Variants in TIAM2 observed in about 807,000 individuals in gnomAD.
TIAM2 encodes the protein TIAM Rac1 associated GEF 2.
TIAM2 carries 80 observed loss-of-function variants against 152.9 expected under a neutral mutation model. The observed-to-expected ratio is 0.52, with a 90% CI of 0.44 to 0.63. The LOEUF is 0.63. Among genes scored for constraint, TIAM2 ranks in the 30% least tolerant of loss-of-function variants. TIAM2 has a pLI of 0.00. For missense variants in TIAM2, 1,965 were observed against 2,120.1 expected, an observed-to-expected ratio of 0.93 and a Z score of 1.44; for synonymous variants, 804 against 838.0, an observed-to-expected ratio of 0.96 and a Z score of 0.70.
chr6:155,168,833 C>T, intron 9 of TIAM2: 1 of 1,532,808 alleles, frequency 6.5e-7, no homozygotes, highest in Non-Finnish European at 8.7e-7. Flanking sequence ...TTTTTCCTCC[C>T]CCATCTGTCA....
At position 155,256,877 on chromosome 6, in the gene TIAM2, G is replaced by C. The variant is rs1393079089; in HGVS notation, c.4862G>C (p.Gly1621Ala). ...CCGGAGTCGGGTGAGGGTCAGAAAGGAGGAGAGCAGCCCAAACTGGTCCGG... is the reference window on the plus strand; with the variant it reads ...CCGGAGTCGGGTGAGGGTCAGAAAGCAGGAGAGCAGCCCAAACTGGTCCGG... ...PGPESGEGQKGGEQPKLVRGH... is the reference protein window; with the variant it reads ...PGPESGEGQKAGEQPKLVRGH... The change falls in exon 27 of 27, where the codon GGA (glycine) becomes GCA (alanine). Residue 1621 changes from glycine to alanine, a missense_variant. Physicochemically the swap from Gly to Ala is moderately conservative, Grantham distance 60. This residue lies in a region of TIAM2 where 935 missense variants were observed against 980.0 expected (regional missense o/e 0.95). Coordinates refer to ENST00000682666, the MANE Select transcript of TIAM2 (RefSeq NM_012454.4). The C allele has an allele frequency of 3.7e-6, 6 of 1,614,064 alleles. No individual in the cohort carries two copies. Among genetic ancestry groups the C allele is most frequent in the Non-Finnish European group, 5.1e-6 (6 of 1,180,056 alleles).
At chr6:155,228,734 C>T (rs1782331892) in intron 15 of TIAM2, among the ~76,000 whole-genome samples, 1 of 152,052 alleles carries the variant, frequency 6.6e-6, no homozygotes, top group African/African-American at 2.4e-5. Flanking sequence ...TGAATTCCGA[C>T]CAAACTCCTG....
intron 1 of TIAM2, among the ~76,000 whole-genome samples, chr6:155,033,600 G>T (rs1776863045): frequency 6.6e-6 from 1 of 151,886 alleles, no homozygotes. Context: ...AAAAAAGTTT[G>T]CCCCAGAAAT....
chr6:155,155,672 G>A (rs1448755937), intron 7 of TIAM2, among the ~76,000 whole-genome samples: 1 of 151,936 alleles, frequency 6.6e-6, no homozygotes, highest in Non-Finnish European at 1.5e-5. Flanking sequence ...ACGGGGTTTT[G>A]CCATGTTGGC....
chr6:155,022,846 G>T (rs1776525163), intron 1 of TIAM2, among the ~76,000 whole-genome samples: 1 of 152,196 alleles, frequency 6.6e-6, no homozygotes, highest in African/African-American at 2.4e-5. Context: ...TAGGGAAGAG[G>T]GCTAACGATG....
chr6:155,029,597 A>G (rs1393897693), intron 1 of TIAM2, among the ~76,000 whole-genome samples: 1 of 100,878 alleles, frequency 9.9e-6, no homozygotes, highest in Non-Finnish European at 1.9e-5. Flanking sequence ...TATAGTATAT[A>G]TAGTTATATA....
At chr6:155,062,324 T>C (rs1777601047) in intron 1 of TIAM2, among the ~76,000 whole-genome samples, 1 of 152,168 alleles carries the variant, frequency 6.6e-6, no homozygotes, top group African/African-American at 2.4e-5. Flanking sequence ...TGCACAAGTA[T>C]AATCTTTTTA....
At chr6:155,094,891 A>G (rs920921741) in intron 2 of TIAM2, among the ~76,000 whole-genome samples, 2 of 151,678 alleles carry the variant, frequency 1.3e-5, no homozygotes, top group African/African-American at 2.4e-5. Flanking sequence ...CTTCGCTCAT[A>G]TATTTAAATA....
At chr6:155,101,052 C>T (rs1473531390) in intron 2 of TIAM2, among the ~76,000 whole-genome samples, 2 of 152,150 alleles carry the variant, frequency 1.3e-5, no homozygotes, top group Non-Finnish European at 2.9e-5. Context: ...TAAACCTTCA[C>T]ACCACCCCTG....
Position 155,173,671 on chromosome 6 carries a change from G to A in TIAM2, c.2362-3145G>A, listed in dbSNP as rs574453425. On this transcript the variant is annotated intron_variant, in intron 9 of 26. Transcript: ENST00000682666. ...TTTGGGTGTGTCCTGGGTGTGGGAC[G>A]CACTGTGTTAATGGCTGAGGGAGAA... Among the ~76,000 whole-genome samples, 5 of 152,296 alleles carry A rather than the reference G, an allele frequency of 3.3e-5. No individual in the cohort carries two copies. In the East Asian group the frequency reaches 5.8e-4, roughly 18 times the overall value.
intron 6 of TIAM2, among the ~76,000 whole-genome samples, chr6:155,146,957 G>A (rs1171822519): frequency 6.6e-6 from 1 of 151,952 alleles, no homozygotes; most frequent in Non-Finnish European, 1.5e-5. Flanking sequence ...GACTTACTGT[G>A]TTCCCCAGGC....
rs568794694 is a variant in TIAM2 at position 155,232,486 on chromosome 6, A to G, written c.3169-8044A>G. ...TGGGGCTTGACTTTCCTTAAGGATA[A>G]CTGACCGTTTGTCCCAGGCCTAAAT... On this transcript the variant is annotated intron_variant, in intron 15 of 26. Coordinates refer to ENST00000682666, the MANE Select transcript of TIAM2 (RefSeq NM_012454.4). The G allele has an allele frequency of 2.0e-5, 3 of 152,372 alleles. No individual in the cohort carries two copies. In the East Asian group the frequency reaches 5.8e-4, roughly 29 times the overall value. 9.4% of individuals were successfully genotyped at this position (152,372 alleles called of 1,614,324 possible).
Position 155,182,369 on chromosome 6 carries a change from A to G in TIAM2, c.2800+51A>G, listed in dbSNP as rs776877750. The G allele has an allele frequency of 4.2e-6, 6 of 1,439,886 alleles. No individual in the cohort carries two copies. The South Asian group carries it at 5.7e-5, about 14-fold the overall frequency. The allele number at this position is 1,439,886 out of a possible 1,614,324, so 89.2% of individuals were successfully genotyped here. A position where few individuals can be genotyped will look rare whatever the true frequency, so the allele number is the denominator to read the frequency against. Reference sequence around the variant, plus strand: ...TTGCCTCTTAATTTGAAACTGTGGGATACAGTCTGGCTAGTGAATGTTTCT... The same window carrying G: ...TTGCCTCTTAATTTGAAACTGTGGGGTACAGTCTGGCTAGTGAATGTTTCT... On this transcript the variant is annotated intron_variant, in intron 13 of 26. Transcript: ENST00000682666.
chr6:155,072,889 A>G (rs1055526394), intron 1 of TIAM2, among the ~76,000 whole-genome samples: 5 of 152,156 alleles, frequency 3.3e-5, no homozygotes, highest in African/African-American at 1.2e-4. Flanking sequence ...CAGAGGACGG[A>G]GCCTCAAGAA....
intron 14 of TIAM2, among the ~76,000 whole-genome samples, chr6:155,210,494 T>C (rs1006043890): frequency 6.7e-6 from 1 of 148,678 alleles, no homozygotes; most frequent in Non-Finnish European, 1.5e-5. Context: ...GTGTGTGTGT[T>C]TTTTTTTTTC....
intron 5 of TIAM2, among the ~76,000 whole-genome samples, chr6:155,144,172 A>G (rs764052659): frequency 2.4e-4 from 36 of 152,116 alleles, no homozygotes; most frequent in Admixed American, 5.2e-4. Flanking sequence ...ACCACAGACT[A>G]TTTCTGTGAT....
rs867335126 is a variant in TIAM2 at position 155,074,596 on chromosome 6, C to A, written c.-208-15693C>A. Among the ~76,000 whole-genome samples the A allele has an allele frequency of 2.5e-4, 38 of 152,158 alleles. 1 individual carries two copies. The highest frequency in any genetic ancestry group is 6.3e-3 in the Middle Eastern group (2 of 316). ...CTCCTGACCTCACGTGATCCGCCTG[C>A]CTTGGCCTCCCAAAGTGCTGGGATT... On this transcript the variant is annotated intron_variant, in intron 1 of 26. Transcript: ENST00000682666.
chr6:155,118,042 C>T (rs1333390013), intron 2 of TIAM2, among the ~76,000 whole-genome samples: 1 of 152,234 alleles, frequency 6.6e-6, no homozygotes, highest in Non-Finnish European at 1.5e-5. Flanking sequence ...CTACTGTGGA[C>T]TCCTTTCCCA....
intron 8 of TIAM2, 35 bp downstream of exon 8, chr6:155,164,635 C>T (rs1433432615): frequency 3.2e-6 from 5 of 1,582,242 alleles, no homozygotes; most frequent in African/African-American, 1.3e-5. Context: ...CTGCAGCATT[C>T]GGGGAGGGCT....
Sources: allele counts gnomAD v4.1 joint callset (sites outside exome capture counted in the v4.1 genomes callset), GRCh38; gene constraint gnomAD v4.1.1; regional missense constraint gnomAD v4.1.1; transcripts MANE v1.5; gene names NCBI Gene and HGNC (gene_info 2026-07-23, HGNC 2026-07-21).